The following CCR5AS variants were observed in gnomAD, a reference collection of about 807,000 sequenced individuals.
The protein encoded by CCR5AS is CCR5 antisense RNA.
At chr3:46,401,381 G>T (rs967184579) in intron 1 of CCR5AS, among the ~76,000 whole-genome samples, 2 of 152,194 alleles carry the variant, frequency 1.3e-5, no homozygotes, top group African/African-American at 4.8e-5. Context: ...CCCAAGGTGG[G>T]GTCTGGCATA....
chr3:46,392,322 T>C (rs1247506833), intron 2 of CCR5AS, among the ~76,000 whole-genome samples: 1 of 152,166 alleles, frequency 6.6e-6, no homozygotes, highest in Non-Finnish European at 1.5e-5. Context: ...ATTACCCCAC[T>C]CTGGTGCCAA....
intron 2 of CCR5AS, chr3:46,374,381 G>A (rs1701723272): frequency 5.8e-6 from 1 of 171,432 alleles, no homozygotes; most frequent in Non-Finnish European, 1.4e-5. Context: ...CATATAGGTT[G>A]TAAATGTGTT....
At chr3:46,387,806 TG>T (rs1255916169) in intron 2 of CCR5AS, among the ~76,000 whole-genome samples, 3 of 152,020 alleles carry the variant, frequency 2.0e-5, no homozygotes. Context: ...GAGATAGGGA[TG>T]GGGCGGTTTT....
At chr3:46,380,786 CA>C (rs1295299225) in intron 2 of CCR5AS, among the ~76,000 whole-genome samples, 1 of 152,220 alleles carries the variant, frequency 6.6e-6, no homozygotes, top group Non-Finnish European at 1.5e-5. Context: ...AATCCAACCT[CA>C]AATAGTTCTG....
chr3:46,400,014 G>T (rs1031612648), intron 1 of CCR5AS, among the ~76,000 whole-genome samples: 3 of 152,012 alleles, frequency 2.0e-5, no homozygotes, highest in African/African-American at 7.3e-5. Context: ...TTGAAACAGG[G>T]TCTCACTCTG....
intron 2 of CCR5AS, among the ~76,000 whole-genome samples, chr3:46,378,378 A>G (rs905469445): frequency 6.6e-6 from 1 of 151,740 alleles, no homozygotes; most frequent in African/African-American, 2.4e-5. Flanking sequence ...TTGCCTCCTT[A>G]TTGTTACTAC....
Position 46,373,018 on chromosome 3 carries a change from T to G in CCR5AS, n.392-1601A>C, listed in dbSNP as rs779570167. 2.5e-6 allele frequency: 4 copies of G among 1,614,162 alleles called. No homozygotes were observed. Among genetic ancestry groups the G allele is most frequent in the South Asian group, 1.1e-5 (1 of 91,078 alleles). On this transcript the variant is annotated intron_variant and non_coding_transcript_variant, in intron 2 of 3. Coordinates refer to ENST00000451485, the Ensembl canonical transcript of CCR5AS. ...CGCCTCCTGCCTCCGCTCTACTCACTGGTGTTCATCTTTGGTTTTGTGGGC... is the reference window on the plus strand; with the variant it reads ...CGCCTCCTGCCTCCGCTCTACTCACGGGTGTTCATCTTTGGTTTTGTGGGC...
chr3:46,404,459 C>A (rs975630845), intron 1 of CCR5AS, among the ~76,000 whole-genome samples: 1 of 151,606 alleles, frequency 6.6e-6, no homozygotes, highest in Admixed American at 6.6e-5. Flanking sequence ...TTCAGCCTCC[C>A]GAGTAGCTGG....
intron 2 of CCR5AS, chr3:46,373,107 C>G (rs547510206): frequency 1.7e-5 from 27 of 1,614,192 alleles, no homozygotes; most frequent in Admixed American, 3.3e-5. Context: ...TGACATCTAC[C>G]TGCTCAACCT....
At chr3:46,399,859 T>C (rs1024476316) in intron 1 of CCR5AS, among the ~76,000 whole-genome samples, 1 of 152,134 alleles carries the variant, frequency 6.6e-6, no homozygotes, top group Non-Finnish European at 1.5e-5. Context: ...AAATAGTTGA[T>C]GGAAAAATTG....
intron 2 of CCR5AS, chr3:46,375,164 G>T (rs1441210591): frequency 6.0e-6 from 1 of 167,028 alleles, no homozygotes. Context: ...CAGACTCCAG[G>T]CTGTCTTTCA....
chr3:46,380,847 C>T (rs1701809352), intron 2 of CCR5AS, among the ~76,000 whole-genome samples: 1 of 152,200 alleles, frequency 6.6e-6, no homozygotes, highest in African/African-American at 2.4e-5. Context: ...GTAGAAGCTC[C>T]CCAGGTGATT....
At chr3:46,372,308 A>G (rs1277421192) in intron 2 of CCR5AS, among the ~76,000 whole-genome samples, 1 of 152,166 alleles carries the variant, frequency 6.6e-6, no homozygotes, top group Non-Finnish European at 1.5e-5. Flanking sequence ...AGGCAGGAGG[A>G]TCGCTTGAGC....
intron 2 of CCR5AS, among the ~76,000 whole-genome samples, chr3:46,389,787 A>G (rs567910180): frequency 3.9e-5 from 6 of 152,298 alleles, no homozygotes; most frequent in African/African-American, 1.4e-4. Context: ...CAAAGTTGGA[A>G]ATATCCAACA....
chr3:46,372,699 G>A, intron 2 of CCR5AS: 1 of 471,304 alleles, frequency 2.1e-6, no homozygotes, highest in Admixed American at 3.6e-5. Context: ...TCCATCTAGT[G>A]GACAGGGAAG....
intron 2 of CCR5AS, among the ~76,000 whole-genome samples, chr3:46,377,343 C>T (rs773012258): frequency 7.2e-5 from 11 of 152,250 alleles, no homozygotes; most frequent in Admixed American, 1.3e-4. Context: ...CTGGGGTGAA[C>T]GTACCTTCTG....
At chr3:46,378,909 C>T (rs749573960) in intron 2 of CCR5AS, among the ~76,000 whole-genome samples, 1 of 151,942 alleles carries the variant, frequency 6.6e-6, no homozygotes, top group Non-Finnish European at 1.5e-5. Flanking sequence ...CTTCAAGCTC[C>T]TCCCTTGTTT....
intron 3 of CCR5AS, among the ~76,000 whole-genome samples, chr3:46,368,258 G>T (rs1701619759): frequency 1.3e-5 from 2 of 152,158 alleles, no homozygotes; most frequent in Admixed American, 6.5e-5. Context: ...GTGATCAAAA[G>T]TTCATTTCCT....
chr3:46,373,613 C>G (rs1701704025), intron 2 of CCR5AS: 1 of 1,613,952 alleles, frequency 6.2e-7, no homozygotes, highest in African/African-American at 1.3e-5. Context: ...TGAGGCTTAT[C>G]TTCACCATCA....
Sources: allele counts gnomAD v4.1 joint callset (sites outside exome capture counted in the v4.1 genomes callset), GRCh38; gene constraint gnomAD v4.1.1; transcripts MANE v1.5; gene names NCBI Gene and HGNC (gene_info 2026-07-23, HGNC 2026-07-21).